The following GPHN variants were observed in gnomAD, a reference collection of about 807,000 sequenced individuals.
GPHN encodes the protein gephyrin.
A neutral mutation model predicts 95.5 loss-of-function variants in GPHN; 17 were observed. The ratio of observed to expected loss-of-function variants is 0.18; its 90% CI spans 0.12 to 0.27. The LOEUF is 0.27. GPHN is among the 10% of genes least tolerant of loss of function. The pLI is 1.00. For synonymous variants in GPHN, 320 were observed against 322.5 expected (o/e 0.99, Z 0.08); for missense variants, 660 against 978.1 (o/e 0.67, Z 4.34).
chr14:67,451,561 T>G, the GPHN span, among the ~76,000 whole-genome samples: 1 of 152,224 alleles, frequency 6.6e-6, no homozygotes, highest in Admixed American at 6.5e-5. Flanking sequence ...AGCTTTAAGC[T>G]TTGACTGCCC....
chr14:66,999,615 A>T (rs547032096), intron 9 of GPHN, among the ~76,000 whole-genome samples: 1 of 151,916 alleles, frequency 6.6e-6, no homozygotes, highest in Admixed American at 6.6e-5. Flanking sequence ...ATGTAATGAG[A>T]TCAGTGTCTC....
chr14:67,126,740 T>C (rs1344266176), intron 17 of GPHN, among the ~76,000 whole-genome samples: 2 of 152,050 alleles, frequency 1.3e-5, no homozygotes, highest in East Asian at 3.9e-4. Context: ...GCCATCCCAT[T>C]ACTGGGTGTA....
At chr14:67,165,107 T>C (rs1166196724) in intron 19 of GPHN, 55 bp from the exon 20 acceptor site, 1 of 1,143,822 alleles carries the variant, frequency 8.7e-7, no homozygotes. Context: ...GAGTACTTAA[T>C]GTATTCATCA....
rs879782993 is a variant in GPHN at position 66,676,490 on chromosome 14, AT to A, written c.65-4611del. Among the ~76,000 whole-genome samples, 8 of 151,982 alleles carry A rather than the reference AT, an allele frequency of 5.3e-5. No individual in the cohort carries two copies. In the South Asian group the frequency reaches 1.2e-3, roughly 24 times the overall value. On this transcript the variant is annotated intron_variant, in intron 1 of 22. Transcript: ENST00000478722. ...TTTAGGTATAATCTTTCTATACTTA[AT>A]TTTTTAGAGTGTTTATTATGAAGGG... is the stretch of plus-strand genomic sequence containing the variant.
At chr14:67,180,376 T>C (rs1567459129) in intron 22 of GPHN, among the ~76,000 whole-genome samples, 1 of 152,226 alleles carries the variant, frequency 6.6e-6, no homozygotes, top group Admixed American at 6.5e-5. Flanking sequence ...TAAAAATTTT[T>C]TGAGTCTTGT....
the GPHN span, among the ~76,000 whole-genome samples, chr14:67,600,651 C>G: frequency 6.6e-6 from 1 of 152,180 alleles, no homozygotes; most frequent in Non-Finnish European, 1.5e-5. Flanking sequence ...GCGACGTCGG[C>G]TCACTGCAAC....
intron 3 of GPHN, among the ~76,000 whole-genome samples, chr14:66,799,234 C>T (rs905280488): frequency 2.0e-5 from 3 of 151,958 alleles, no homozygotes; most frequent in Admixed American, 1.3e-4. Flanking sequence ...TGTGACCTAA[C>T]ATATGGTCTA....
At chr14:66,973,538 C>T (rs1321318581) in intron 9 of GPHN, among the ~76,000 whole-genome samples, 2 of 152,204 alleles carry the variant, frequency 1.3e-5, no homozygotes, top group Admixed American at 6.5e-5. Flanking sequence ...GCGGGTGGAT[C>T]ACCTGATGTC....
chr14:66,937,398 T>G (rs548252873), intron 8 of GPHN, among the ~76,000 whole-genome samples: 7 of 152,192 alleles, frequency 4.6e-5, no homozygotes, highest in Non-Finnish European at 8.8e-5. Context: ...TTTTTTTTTT[T>G]TGAGACTGAG....
the GPHN span, chr14:67,388,299 C>T: frequency 6.2e-7 from 1 of 1,609,070 alleles, no homozygotes; most frequent in East Asian, 2.2e-5. Flanking sequence ...GGCCTGTTCT[C>T]TTCCTGTAGA....
At chr14:67,574,061 A>AGAT in the GPHN span, among the ~76,000 whole-genome samples, 1 of 152,166 alleles carries the variant, frequency 6.6e-6, no homozygotes, top group African/African-American at 2.4e-5. This position sits in a 1 kb window ranked among gnomAD's most constrained non-coding sequence, Gnocchi z 4.2. Flanking sequence ...AGAATATGAG[A>AGAT]GATGGAGTGA....
chr14:66,746,637 C>A (rs906429404), intron 2 of GPHN, among the ~76,000 whole-genome samples: 2 of 151,042 alleles, frequency 1.3e-5, no homozygotes, highest in African/African-American at 5.0e-5. Flanking sequence ...TCTCCCTTCC[C>A]TAAGTACTTT....
At chr14:66,750,184 CTTCTA>C (rs1231988230) in intron 2 of GPHN, among the ~76,000 whole-genome samples, 3 of 151,822 alleles carry the variant, frequency 2.0e-5, no homozygotes, top group African/African-American at 4.8e-5. Context: ...TCTAAATATT[CTTCTA>C]TTCTAGGAGT....
At chr14:67,302,387 A>T in the GPHN span, 1 of 1,364,912 alleles carries the variant, frequency 7.3e-7, no homozygotes, top group Non-Finnish European at 9.6e-7. Flanking sequence ...TTATTTTTAA[A>T]TTATACATAT....
the GPHN span, among the ~76,000 whole-genome samples, chr14:67,532,823 G>A: frequency 6.6e-6 from 1 of 152,226 alleles, no homozygotes; most frequent in Non-Finnish European, 1.5e-5. Flanking sequence ...AGTTCCCACA[G>A]GTGGCCAGGA....
intron 1 of GPHN, among the ~76,000 whole-genome samples, chr14:66,612,377 G>T (rs2062820552): frequency 6.6e-6 from 1 of 151,576 alleles, no homozygotes; most frequent in Non-Finnish European, 1.5e-5. Flanking sequence ...CCACATAGTT[G>T]CTCTGCATAC....
At chr14:66,704,687 C>T (rs578243807) in intron 2 of GPHN, among the ~76,000 whole-genome samples, 1 of 152,122 alleles carries the variant, frequency 6.6e-6, no homozygotes, top group African/African-American at 2.4e-5. Flanking sequence ...ACTTACGGCA[C>T]TAAATGCCCA....
intron 1 of GPHN, among the ~76,000 whole-genome samples, chr14:66,516,774 G>C (rs567796851): frequency 6.6e-6 from 1 of 152,266 alleles, no homozygotes; most frequent in Admixed American, 6.5e-5. Context: ...ACACATTAAT[G>C]TGCACTTGAA....
chr14:67,210,652 A>G, the GPHN span, among the ~76,000 whole-genome samples: 1 of 152,022 alleles, frequency 6.6e-6, no homozygotes, highest in East Asian at 1.9e-4. Flanking sequence ...GATTACACAT[A>G]TAATTGTAAA....
Sources: gnomAD v4.1 joint callset for allele counts (sites outside exome capture counted in the v4.1 genomes callset) on GRCh38, gnomAD v4.1.1 for gene constraint, Gnocchi (gnomAD v3.1) non-coding constraint, MANE v1.5 for transcripts, NCBI Gene and HGNC (gene_info 2026-07-23, HGNC 2026-07-21) for gene names.